RPS6KC1: variants seen among roughly 807,000 people sequenced by gnomAD.
RPS6KC1 encodes inactive ribosomal protein S6 kinase delta-1.
A neutral mutation model predicts 103.8 loss-of-function variants in RPS6KC1; 54 were observed. That is an observed-to-expected ratio of 0.52 (90% confidence interval 0.42 to 0.65). The LOEUF (loss-of-function observed/expected upper bound fraction) is 0.65. RPS6KC1 is among the 30% of genes least tolerant of loss of function. The pLI is 0.00. For missense variants in RPS6KC1, 1,151 were observed against 1,253.8 expected (o/e 0.92, Z 1.24); for synonymous variants, 439 against 438.7 (o/e 1.00, Z -0.01).
At chr1:213,081,989 C>G (rs1194152069) in intron 3 of RPS6KC1, among the ~76,000 whole-genome samples, 1 of 152,164 alleles carries the variant, frequency 6.6e-6, no homozygotes, top group Non-Finnish European at 1.5e-5. Flanking sequence ...TTCTTGTAAG[C>G]TACCATGTTT....
the RPS6KC1 span, among the ~76,000 whole-genome samples, chr1:213,331,388 A>C: frequency 6.6e-6 from 1 of 152,246 alleles, no homozygotes. Context: ...AGATTAAGAA[A>C]TGAAAATAGT....
At chr1:213,837,215 A>G in the RPS6KC1 span, 3 of 152,162 alleles carry the variant, frequency 2.0e-5, no homozygotes, top group Admixed American at 2.0e-4. Flanking sequence ...ACTAAAGAAC[A>G]TATTTCACCT....
At chr1:213,616,300 C>T in the RPS6KC1 span, among the ~76,000 whole-genome samples, 61 of 152,302 alleles carry the variant, frequency 4.0e-4, 1 homozygote, top group South Asian at 3.5e-3. Context: ...GCTGGTCAGG[C>T]GCCTCTTGCA....
chr1:213,773,209 C>T, the RPS6KC1 span, among the ~76,000 whole-genome samples: 1 of 112,078 alleles, frequency 8.9e-6, no homozygotes, highest in Admixed American at 9.8e-5. Context: ...TGGTTTGAAA[C>T]ACCATTCAGT....
the RPS6KC1 span, among the ~76,000 whole-genome samples, chr1:213,629,190 G>A: frequency 6.6e-6 from 1 of 152,132 alleles, no homozygotes; most frequent in East Asian, 1.9e-4. Context: ...GGGTGTTAAA[G>A]TCTCCCATTA....
At chr1:213,284,525 G>A in the RPS6KC1 span, among the ~76,000 whole-genome samples, 2 of 150,202 alleles carry the variant, frequency 1.3e-5, no homozygotes, top group African/African-American at 2.4e-5. Context: ...AAAAAAAAAA[G>A]TGAATAAATA....
At chr1:213,730,855 T>C in the RPS6KC1 span, among the ~76,000 whole-genome samples, 307 of 152,352 alleles carry the variant, frequency 2.0e-3, 1 homozygote, top group African/African-American at 6.8e-3. Context: ...CCTGTGCCTA[T>C]GTCCTGAATG....
the RPS6KC1 span, among the ~76,000 whole-genome samples, chr1:213,784,089 C>T: frequency 3.7e-4 from 56 of 152,302 alleles, no homozygotes; most frequent in Non-Finnish European, 6.0e-4. Context: ...CTTGTGCCTC[C>T]GCTCAGCTAA....
chr1:213,837,922 A>T, the RPS6KC1 span, among the ~76,000 whole-genome samples: 2 of 152,150 alleles, frequency 1.3e-5, no homozygotes, highest in African/African-American at 4.8e-5. Context: ...CTACTAGATG[A>T]ATTTATGTGC....
At chr1:213,384,508 G>C in the RPS6KC1 span, among the ~76,000 whole-genome samples, 6 of 152,032 alleles carry the variant, frequency 3.9e-5, no homozygotes, top group African/African-American at 1.5e-4. Flanking sequence ...GTGGTCGGAG[G>C]CTTGCATGAT....
At chr1:213,392,266 G>A in the RPS6KC1 span, among the ~76,000 whole-genome samples, 1 of 152,220 alleles carries the variant, frequency 6.6e-6, no homozygotes, top group East Asian at 1.9e-4. Flanking sequence ...ACGCAGCACT[G>A]CTCATGAACA....
the RPS6KC1 span, among the ~76,000 whole-genome samples, chr1:213,528,121 C>T: frequency 5.9e-5 from 9 of 151,972 alleles, no homozygotes; most frequent in Non-Finnish European, 8.8e-5. Context: ...TGTACTAGTC[C>T]GTTCTCACAC....
the RPS6KC1 span, among the ~76,000 whole-genome samples, chr1:213,438,944 C>T: frequency 6.6e-6 from 1 of 151,986 alleles, no homozygotes; most frequent in Non-Finnish European, 1.5e-5. Context: ...CAGGCACGTG[C>T]CACCACACCC....
chr1:213,573,725 G>A, the RPS6KC1 span, among the ~76,000 whole-genome samples: 9 of 152,214 alleles, frequency 5.9e-5, no homozygotes, highest in Non-Finnish European at 1.0e-4. Context: ...GTTGCTAGAC[G>A]GTGGTGCCCT....
chr1:213,786,577 T>C, the RPS6KC1 span, among the ~76,000 whole-genome samples: 6 of 152,092 alleles, frequency 3.9e-5, no homozygotes, highest in African/African-American at 1.2e-4. Context: ...AAAGTGGAAA[T>C]AAGGAAATCT....
chr1:213,643,398 T>C, the RPS6KC1 span, among the ~76,000 whole-genome samples: 1 of 151,906 alleles, frequency 6.6e-6, no homozygotes, highest in Non-Finnish European at 1.5e-5. Context: ...TATAGTTTCA[T>C]TGATATTTTG....
the RPS6KC1 span, among the ~76,000 whole-genome samples, chr1:213,317,488 A>G: frequency 3.2e-4 from 49 of 152,350 alleles, no homozygotes; most frequent in African/African-American, 1.1e-3. Context: ...AAATCCTATC[A>G]GTGATCCTAT....
chr1:213,849,643 A>T, the RPS6KC1 span, among the ~76,000 whole-genome samples: 4 of 152,316 alleles, frequency 2.6e-5, no homozygotes, highest in East Asian at 7.7e-4. Context: ...CTTGTTTTAT[A>T]AAACAATTGA....
intron 6 of RPS6KC1, among the ~76,000 whole-genome samples, chr1:213,139,451 C>T (rs2086764885): frequency 6.6e-6 from 1 of 151,910 alleles, no homozygotes; most frequent in Non-Finnish European, 1.5e-5. Context: ...CCTAGGTTTT[C>T]TTTTAGGGTC....
Sources: gnomAD v4.1 joint callset for allele counts (sites outside exome capture counted in the v4.1 genomes callset) on GRCh38, gnomAD v4.1.1 for gene constraint, MANE v1.5 for transcripts, NCBI Gene and HGNC (gene_info 2026-07-23, HGNC 2026-07-21) for gene names.